The following GALNT8 variants were observed in gnomAD, a reference collection of about 807,000 sequenced individuals.
GALNT8 encodes probable polypeptide N-acetylgalactosaminyltransferase 8.
In GALNT8, 66 loss-of-function variants were observed where a neutral mutation model predicts 62.7. The ratio of observed to expected loss-of-function variants is 1.05; its 90% CI spans 0.86 to 1.29. The LOEUF (loss-of-function observed/expected upper bound fraction) is 1.29, where lower values mean the gene tolerates loss of function less well. Among genes scored for constraint, GALNT8 ranks in the 50% most tolerant of loss-of-function variants. The probability of loss-of-function intolerance (pLI) is 0.00; values close to 1 mark genes in which losing one functional copy is unlikely to be tolerated. For synonymous variants in GALNT8, 288 were observed against 294.3 expected (o/e 0.98, Z 0.22); for missense variants, 771 against 791.8 (o/e 0.97, Z 0.32).
At chr12:4,771,423 T>C (rs1197590178) in intron 10 of GALNT8, among the ~76,000 whole-genome samples, 2 of 151,480 alleles carry the variant, frequency 1.3e-5, no homozygotes, top group Non-Finnish European at 2.9e-5. Flanking sequence ...CAGGCAAATT[T>C]TGGGGGGAGC....
intron 6 of GALNT8, among the ~76,000 whole-genome samples, chr12:4,760,255 C>G (rs1946365383): frequency 6.6e-6 from 1 of 152,152 alleles, no homozygotes; most frequent in South Asian, 2.1e-4. Context: ...GTCTTCCAGG[C>G]TGAGGAAGCA....
At chr12:4,720,924 TGG>T in intron 1 of GALNT8, 36 bp downstream of exon 1, 1 of 1,286,942 alleles carries the variant, frequency 7.8e-7, no homozygotes, top group Non-Finnish European at 1.1e-6. Context: ...GGTGTGTGTG[TGG>T]GTGTGTGTGT....
chr12:4,724,042 G>C (rs183663809), intron 1 of GALNT8, among the ~76,000 whole-genome samples: 5,834 of 151,170 alleles, frequency 0.039, 217 homozygotes, highest in East Asian at 0.2. Flanking sequence ...CCAGCTACTC[G>C]GGAAGCTGAG....
intron 7 of GALNT8, among the ~76,000 whole-genome samples, chr12:4,762,136 A>G (rs1189644166): frequency 6.6e-6 from 1 of 152,166 alleles, no homozygotes; most frequent in African/African-American, 2.4e-5. Context: ...TTGTTTGAAG[A>G]GAGATGGGTA....
At position 4,720,430 on chromosome 12, in the gene GALNT8, G is replaced by A. The variant is rs1327805039; in HGVS notation, c.-248G>A. The A allele has an allele frequency of 4.9e-5, 25 of 510,178 alleles. No individual in the cohort carries two copies. Among genetic ancestry groups the A allele is most frequent in the South Asian group, 2.5e-4 (11 of 43,642 alleles). 31.6% of individuals were successfully genotyped at this position (510,178 alleles called of 1,614,324 possible). On this transcript the variant is annotated 5_prime_UTR_variant, in exon 1 of 11. Coordinates refer to ENST00000252318, the MANE Select transcript of GALNT8 (RefSeq NM_017417.2). ...CTCCCTGAGCAACCTGTGGAAAGCC[G>A]CTGAGCAACCTGTGGAAAGCCGCTG...
intron 2 of GALNT8, among the ~76,000 whole-genome samples, chr12:4,734,313 C>T (rs1226021717): frequency 6.6e-6 from 1 of 152,182 alleles, no homozygotes; most frequent in East Asian, 1.9e-4. Context: ...TACTGTACCA[C>T]CCTCTTACAG....
In GALNT8 at chr12:4,739,038, T is replaced by C. The variant is rs909154441; in HGVS notation, c.510-125T>C. The stretch of plus-strand genomic sequence containing the variant: ...TGATAAGCCACTAAGAGTTTTGCTT[T>C]CCAGTGAGTTTGAGGGGTGGATGAA... On this transcript the variant is annotated intron_variant, in intron 2 of 10. Coordinates refer to ENST00000252318, the MANE Select transcript of GALNT8 (RefSeq NM_017417.2). 12 of 530,886 alleles carry C rather than the reference T, an allele frequency of 2.3e-5. No homozygotes were observed. The Admixed American group carries it at 3.6e-4, about 16-fold the overall frequency. The allele number at this position is 530,886 out of a possible 1,614,324, so 32.9% of individuals were successfully genotyped here.
At position 4,740,922 on chromosome 12, in the gene GALNT8, T is replaced by C. The variant is rs1434228629; in HGVS notation, c.676+1593T>C. 5.3e-5 allele frequency among the ~76,000 whole-genome samples: 8 copies of C among 152,220 alleles called. No individual in the cohort carries two copies. In the East Asian group the frequency reaches 5.8e-4, roughly 11 times the overall value. On this transcript the variant is annotated intron_variant, in intron 3 of 10. Transcript: ENST00000252318. Reference sequence around the variant, plus strand: ...GGTTCTAACCACTGTGTTCCCGTTATAATACATGAATTATGTAACGCATTT... The same window carrying C: ...GGTTCTAACCACTGTGTTCCCGTTACAATACATGAATTATGTAACGCATTT...
Position 4,761,010 on chromosome 12 carries a change from A to T in GALNT8, c.1226A>T (p.His409Leu). 1 of 1,614,026 alleles carries T rather than the reference A, an allele frequency of 6.2e-7. No individual in the cohort carries two copies. Among genetic ancestry groups the T allele is most frequent in the Admixed American group, 1.7e-5 (1 of 60,006 alleles). The change falls in exon 7 of 11, where the codon CAC (histidine) becomes CTC (leucine). Residue 409 changes from histidine (H) to leucine (L), a missense_variant. Coordinates refer to ENST00000252318, the MANE Select transcript of GALNT8 (RefSeq NM_017417.2). The part of the protein sequence containing the change: ...VEILPCSRIA[H>L]LERHHKPYAL... ...ATTTTGCCCTGTTCCCGGATTGCCC[A>T]CCTAGAGAGACACCACAAGCCCTAC...
intron 4 of GALNT8, 135 bp downstream of exon 4, chr12:4,744,835 G>A (rs1056302325): frequency 3.3e-6 from 2 of 597,028 alleles, no homozygotes; most frequent in Admixed American, 3.4e-5. Flanking sequence ...CTCCAAAACA[G>A]CATGCTTTTA....
Position 4,743,711 on chromosome 12 carries a change from T to C in GALNT8, c.677-806T>C, listed in dbSNP as rs201036927. 3.3e-5 allele frequency among the ~76,000 whole-genome samples: 5 copies of C among 152,340 alleles called. No individual in the cohort carries two copies. The East Asian group carries it at 7.7e-4, about 23-fold the overall frequency. The stretch of plus-strand genomic sequence containing the variant: ...TTAAAACTCTTTGTGCCTCAGTTTC[T>C]TTATCTGTAAAGTGGGGATATTGTA... On this transcript the variant is annotated intron_variant, in intron 3 of 10. Coordinates refer to ENST00000252318, the MANE Select transcript of GALNT8 (RefSeq NM_017417.2).
chr12:4,738,891 G>A (rs1352335069), intron 2 of GALNT8, among the ~76,000 whole-genome samples: 4 of 152,104 alleles, frequency 2.6e-5, no homozygotes, highest in Admixed American at 6.5e-5. Context: ...GAAGAGGAAC[G>A]GGAATTCCTT....
chr12:4,734,800 A>G (rs985651967), intron 2 of GALNT8, among the ~76,000 whole-genome samples: 1 of 152,008 alleles, frequency 6.6e-6, no homozygotes, highest in Non-Finnish European at 1.5e-5. Context: ...TCTTGGCACT[A>G]CTACTAAGCA....
chr12:4,748,931 A>G (rs1440251129), intron 6 of GALNT8, among the ~76,000 whole-genome samples: 1 of 151,780 alleles, frequency 6.6e-6, no homozygotes, highest in Non-Finnish European at 1.5e-5. Flanking sequence ...GATATTTTTT[A>G]CTTCTTTGCT....
At chr12:4,727,488 G>A (rs1050751894) in intron 2 of GALNT8, among the ~76,000 whole-genome samples, 2 of 152,062 alleles carry the variant, frequency 1.3e-5, no homozygotes, top group Admixed American at 6.5e-5. Context: ...AAAAAGAAAC[G>A]GCTTTAGCAG....
Position 4,745,569 on chromosome 12 carries a change from G to A in GALNT8, c.1001G>A (p.Arg334His), listed in dbSNP as rs769100382. The change falls in exon 5 of 11, where the codon CGC becomes CAC. Residue 334 changes from arginine (R) to histidine (H), a missense_variant. Arg to His is a conservative substitution (Grantham distance 29). Transcript: ENST00000252318. ...GGGTTTAACTGGGAACTCTGGTGCC[G>A]CTACGATGCACTGCCACAAGCCTGG... Reference protein sequence around the residue: ...VDGFNWELWCRYDALPQAWID... With the variant: ...VDGFNWELWCHYDALPQAWID... 1.1e-5 allele frequency: 18 copies of A among 1,613,754 alleles called. No individual in the cohort carries two copies. Among genetic ancestry groups the A allele is most frequent in the Admixed American group, 1.0e-4 (6 of 59,988 alleles).
chr12:4,737,563 A>G (rs1241224432), intron 2 of GALNT8, among the ~76,000 whole-genome samples: 1 of 152,202 alleles, frequency 6.6e-6, no homozygotes, highest in Non-Finnish European at 1.5e-5. Context: ...TGAAAGAGAA[A>G]CTATTTTACC....
intron 1 of GALNT8, among the ~76,000 whole-genome samples, chr12:4,721,489 C>T (rs1362910865): frequency 3.3e-5 from 5 of 152,186 alleles, no homozygotes; most frequent in South Asian, 2.1e-4. Flanking sequence ...CAGATAAACA[C>T]GTGAACAAAG....
chr12:4,766,045 AC>A (rs1350528936), intron 10 of GALNT8, among the ~76,000 whole-genome samples: 2 of 152,230 alleles, frequency 1.3e-5, no homozygotes, highest in African/African-American at 4.8e-5. Context: ...CGCTGGGATT[AC>A]AGGTGTGAGC....
Sources: allele counts gnomAD v4.1 joint callset (sites outside exome capture counted in the v4.1 genomes callset), GRCh38; gene constraint gnomAD v4.1.1; transcripts MANE v1.5; gene names NCBI Gene and HGNC (gene_info 2026-07-23, HGNC 2026-07-21).